Variants in CSMD1 observed in about 807,000 individuals in gnomAD.
The protein encoded by CSMD1 is CUB and sushi domain-containing protein 1.
A neutral mutation model predicts 417.5 loss-of-function variants in CSMD1; 213 were observed. The observed-to-expected ratio is 0.51, with a 90% CI of 0.46 to 0.57. The LOEUF is 0.57. CSMD1 is among the 20% of genes least tolerant of loss of function. The pLI is 0.00. For missense variants in CSMD1, 6,923 were observed against 4,529.7 expected (o/e 1.53, Z -15.17); for synonymous variants, 2,862 against 1,736.8 (o/e 1.65, Z -16.11).
At chr8:4,209,085 T>C (rs1316623515) in intron 3 of CSMD1, among the ~76,000 whole-genome samples, 1 of 152,184 alleles carries the variant, frequency 6.6e-6, no homozygotes, top group East Asian at 1.9e-4. Flanking sequence ...TTGTCCTCTC[T>C]TCACCCTTGC....
chr8:3,100,858 T>C (rs1262565782), intron 46 of CSMD1, among the ~76,000 whole-genome samples: 1 of 152,084 alleles, frequency 6.6e-6, no homozygotes, highest in East Asian at 1.9e-4. Context: ...TATGACAGAA[T>C]TGGAGAAGGT....
chr8:4,193,890 C>G (rs1188756669), intron 3 of CSMD1, among the ~76,000 whole-genome samples: 1 of 151,782 alleles, frequency 6.6e-6, no homozygotes, highest in East Asian at 1.9e-4. Flanking sequence ...AACTGGCCAC[C>G]TCCACGAAGG....
chr8:3,294,491 G>C (rs191548087), intron 25 of CSMD1, among the ~76,000 whole-genome samples: 8 of 152,230 alleles, frequency 5.3e-5, no homozygotes, highest in African/African-American at 1.9e-4. Context: ...CTTCTGGGCC[G>C]TTTTTTTAGT....
At chr8:4,376,196 T>C (rs1430964411) in intron 3 of CSMD1, among the ~76,000 whole-genome samples, 1 of 152,252 alleles carries the variant, frequency 6.6e-6, no homozygotes, top group Non-Finnish European at 1.5e-5. Context: ...ATTTATTTTC[T>C]GCTGGCTCTG....
At chr8:3,244,558 G>A (rs919667259) in intron 26 of CSMD1, among the ~76,000 whole-genome samples, 2 of 152,164 alleles carry the variant, frequency 1.3e-5, no homozygotes, top group South Asian at 2.1e-4. Flanking sequence ...AACCTAGGTC[G>A]CTGCAGACAT....
At chr8:3,277,983 G>A (rs562802018) in intron 26 of CSMD1, among the ~76,000 whole-genome samples, 8 of 152,260 alleles carry the variant, frequency 5.3e-5, no homozygotes, top group Non-Finnish European at 7.3e-5. Flanking sequence ...AGAAACCTTC[G>A]TGGGTATCTT....
At chr8:4,300,842 T>C (rs1585188179) in intron 3 of CSMD1, among the ~76,000 whole-genome samples, 2 of 152,228 alleles carry the variant, frequency 1.3e-5, no homozygotes, top group South Asian at 4.1e-4. Flanking sequence ...GTTTCATCCA[T>C]GTCCCTACAA....
At chr8:4,354,817 A>G (rs1179006352) in intron 3 of CSMD1, among the ~76,000 whole-genome samples, 1 of 150,708 alleles carries the variant, frequency 6.6e-6, no homozygotes, top group Non-Finnish European at 1.5e-5. Context: ...TTAGTATTAT[A>G]CCTGGTTTCT....
At chr8:4,439,686 T>C (rs1452329567) in intron 2 of CSMD1, among the ~76,000 whole-genome samples, 1 of 152,196 alleles carries the variant, frequency 6.6e-6, no homozygotes, top group Non-Finnish European at 1.5e-5. Context: ...TGTGTGCTTA[T>C]TAAAGGCAGG....
At chr8:3,197,204 G>C (rs976604650) in intron 33 of CSMD1, among the ~76,000 whole-genome samples, 5 of 152,110 alleles carry the variant, frequency 3.3e-5, no homozygotes, top group Admixed American at 2.0e-4. Context: ...GAAGCAGAAG[G>C]CTAGAGACCA....
Position 4,512,417 on chromosome 8 carries a change from T to G in CSMD1, c.303-92352A>C, listed in dbSNP as rs375398954. Reference sequence around the variant, plus strand: ...CCCCTTTCACCACTGATTTCCAACATCGTAGCTAATGCAATAAAGCAAGTA... The same window carrying G: ...CCCCTTTCACCACTGATTTCCAACAGCGTAGCTAATGCAATAAAGCAAGTA... On this transcript the variant is annotated intron_variant, in intron 2 of 69. Coordinates refer to ENST00000635120, the MANE Select transcript of CSMD1 (RefSeq NM_033225.6). 2.8e-4 allele frequency among the ~76,000 whole-genome samples: 43 copies of G among 152,174 alleles called. No homozygotes were observed. In the East Asian group the frequency reaches 6.4e-3, roughly 23 times the overall value.
intron 2 of CSMD1, among the ~76,000 whole-genome samples, chr8:4,622,573 A>G (rs1175083106): frequency 6.6e-6 from 1 of 152,184 alleles, no homozygotes; most frequent in Non-Finnish European, 1.5e-5. Context: ...GCAGCTGGCA[A>G]ACGCGACATG....
At chr8:4,764,370 T>G (rs181563403) in intron 1 of CSMD1, among the ~76,000 whole-genome samples, 24 of 152,292 alleles carry the variant, frequency 1.6e-4, no homozygotes, top group African/African-American at 4.8e-4. Context: ...AAAGGAGCAA[T>G]CATGAGATTA....
intron 1 of CSMD1, among the ~76,000 whole-genome samples, chr8:4,862,199 C>T (rs1376250646): frequency 2.0e-5 from 3 of 151,870 alleles, no homozygotes; most frequent in African/African-American, 4.8e-5. Flanking sequence ...TGAACCTCAA[C>T]GAGGCCTGGG....
chr8:4,493,077 G>T (rs181109114), intron 2 of CSMD1, among the ~76,000 whole-genome samples: 3 of 152,092 alleles, frequency 2.0e-5, no homozygotes, highest in Non-Finnish European at 4.4e-5. Flanking sequence ...TAATACATTT[G>T]CTTATAAAAG....
At chr8:4,346,458 C>T (rs954957972) in intron 3 of CSMD1, among the ~76,000 whole-genome samples, 48 of 152,190 alleles carry the variant, frequency 3.2e-4, no homozygotes, top group African/African-American at 1.1e-3. Context: ...CAAGGCTTGC[C>T]GATCCTTGAT....
At chr8:3,465,301 T>G (rs1262688613) in intron 12 of CSMD1, among the ~76,000 whole-genome samples, 1 of 152,090 alleles carries the variant, frequency 6.6e-6, no homozygotes, top group African/African-American at 2.4e-5. Flanking sequence ...ATTAACTGAG[T>G]AGACCCTCCA....
chr8:3,304,250 T>G (rs1190705866), intron 25 of CSMD1, among the ~76,000 whole-genome samples: 1 of 152,186 alleles, frequency 6.6e-6, no homozygotes, highest in East Asian at 1.9e-4. Context: ...GACTGATGTA[T>G]TTCTCATTTT....
chr8:4,369,644 C>G (rs1325520410), intron 3 of CSMD1, among the ~76,000 whole-genome samples: 3 of 152,166 alleles, frequency 2.0e-5, no homozygotes, highest in Non-Finnish European at 4.4e-5. Context: ...GACTTAACTA[C>G]TTAAAATAGT....
Sources: gnomAD v4.1 joint callset for allele counts (sites outside exome capture counted in the v4.1 genomes callset) on GRCh38, gnomAD v4.1.1 for gene constraint, MANE v1.5 for transcripts, NCBI Gene and HGNC (gene_info 2026-07-23, HGNC 2026-07-21) for gene names.